The following CDH2 variants were observed in gnomAD, a reference collection of about 807,000 sequenced individuals.
CDH2 encodes the protein cadherin 2, also known as cadherin-2.
A neutral mutation model predicts 92.0 loss-of-function variants in CDH2; 17 were observed. The ratio of observed to expected loss-of-function variants is 0.18; its 90% CI spans 0.13 to 0.28. The LOEUF (loss-of-function observed/expected upper bound fraction) is 0.28, where lower values mean the gene tolerates loss of function less well. CDH2 is among the 10% of genes least tolerant of loss of function. The pLI is 1.00. For missense variants in CDH2, 862 were observed against 1,133.1 expected (o/e 0.76, Z 3.44); for synonymous variants, 419 against 415.9 (o/e 1.01, Z -0.09).
chr18:28,173,791 A>G (rs1421266467), intron 1 of CDH2, among the ~76,000 whole-genome samples: 1 of 152,198 alleles, frequency 6.6e-6, no homozygotes, highest in Non-Finnish European at 1.5e-5. Context: ...TTAATTAACT[A>G]GGTCAATGGT....
At chr18:27,945,614 A>T (rs1018394374) in intron 6 of CDH2, among the ~76,000 whole-genome samples, 2 of 152,142 alleles carry the variant, frequency 1.3e-5, no homozygotes, top group Non-Finnish European at 2.9e-5. Flanking sequence ...AGGGAAAAGG[A>T]GCCTGGTTGT....
chr18:27,950,094 T>C (rs1487957360), downstream of CDH2, among the ~76,000 whole-genome samples: 2 of 152,120 alleles, frequency 1.3e-5, no homozygotes, highest in Non-Finnish European at 2.9e-5. Context: ...AGTTTCATTA[T>C]GGAAATTCCC....
chr18:28,156,708 C>A (rs4991538), intron 1 of CDH2, among the ~76,000 whole-genome samples: 595 of 20,766 alleles, frequency 0.029, 46 homozygotes, highest in East Asian at 0.045. Flanking sequence ...CCAGGTACAG[C>A]ATGTCACCTT....
chr18:28,055,283 C>G (rs1467679957), intron 2 of CDH2, among the ~76,000 whole-genome samples: 1 of 152,160 alleles, frequency 6.6e-6, no homozygotes, highest in African/African-American at 2.4e-5. Flanking sequence ...TTATCTCCCA[C>G]CAGGTCCCTC....
At chr18:27,986,026 C>T (rs187068413) in intron 11 of CDH2, among the ~76,000 whole-genome samples, 4 of 152,194 alleles carry the variant, frequency 2.6e-5, no homozygotes, top group African/African-American at 9.6e-5. Context: ...AATCCCGTAC[C>T]CTCCCTGCCC....
chr18:28,098,668 A>G lies in CDH2; in HGVS notation c.172+49005T>C, dbSNP rs181953151. 1.6e-3 allele frequency among the ~76,000 whole-genome samples: 238 copies of G among 152,212 alleles called. 1 individual carries two copies. The highest frequency in any genetic ancestry group is 4.4e-3 in the African/African-American group (181 of 41,520). ...AGTCCTACACATGGGGGCCATTTTA[A>G]ACAGTGAAATCACCAACAAAAAGCA... On this transcript the variant is annotated intron_variant, in intron 2 of 15. Coordinates refer to ENST00000269141, the MANE Select transcript of CDH2 (RefSeq NM_001792.5).
chr18:28,136,987 C>T (rs2144307278), intron 2 of CDH2, among the ~76,000 whole-genome samples: 1 of 152,150 alleles, frequency 6.6e-6, no homozygotes, highest in Non-Finnish European at 1.5e-5. Context: ...AGAGTTAAAA[C>T]ATGAGGACTT....
chr18:28,021,221 C>G (rs2013402122), intron 2 of CDH2, among the ~76,000 whole-genome samples: 2 of 151,890 alleles, frequency 1.3e-5, no homozygotes, highest in African/African-American at 4.8e-5. Flanking sequence ...TTAACAGACA[C>G]ATATAAACAG....
intron 2 of CDH2, among the ~76,000 whole-genome samples, chr18:28,111,364 T>C (rs2015410369): frequency 6.6e-6 from 1 of 152,232 alleles, no homozygotes; most frequent in South Asian, 2.1e-4. Flanking sequence ...GGATTTTCAA[T>C]ATTAGTTAGC....
intron 2 of CDH2, among the ~76,000 whole-genome samples, chr18:28,077,632 T>C (rs1447668709): frequency 1.3e-5 from 2 of 152,092 alleles, no homozygotes; most frequent in Non-Finnish European, 2.9e-5. Context: ...GGCTCACGCC[T>C]GTAATCCCAC....
At chr18:28,058,203 T>C (rs1599068376) in intron 2 of CDH2, among the ~76,000 whole-genome samples, 1 of 152,348 alleles carries the variant, frequency 6.6e-6, no homozygotes. Context: ...TCACCCATTC[T>C]TATAAACTTT....
At chr18:28,066,828 T>C (rs2014517684) in intron 2 of CDH2, among the ~76,000 whole-genome samples, 1 of 152,020 alleles carries the variant, frequency 6.6e-6, no homozygotes, top group Admixed American at 6.6e-5. Flanking sequence ...GCATCATTTA[T>C]GTATATACTC....
At chr18:28,125,718 T>G (rs868098412) in intron 2 of CDH2, among the ~76,000 whole-genome samples, 2 of 152,140 alleles carry the variant, frequency 1.3e-5, no homozygotes, top group African/African-American at 4.8e-5. Flanking sequence ...TATTAACTCA[T>G]GTATGCACCC....
At chr18:28,166,524 T>C (rs1420972386) in intron 1 of CDH2, among the ~76,000 whole-genome samples, 1 of 151,942 alleles carries the variant, frequency 6.6e-6, no homozygotes, top group Non-Finnish European at 1.5e-5. Flanking sequence ...TTCTTATCTG[T>C]CAAACAAAAA....
chr18:28,137,049 C>T (rs2015874998), intron 2 of CDH2, among the ~76,000 whole-genome samples: 1 of 151,990 alleles, frequency 6.6e-6, no homozygotes, highest in Non-Finnish European at 1.5e-5. Flanking sequence ...AAAAGTTGAA[C>T]TGGAAAAATA....
intron 2 of CDH2, among the ~76,000 whole-genome samples, chr18:28,126,559 A>G: frequency 6.6e-6 from 1 of 152,186 alleles, no homozygotes; most frequent in Admixed American, 6.5e-5. Flanking sequence ...AATTCATGCA[A>G]ATTTGATATA....
intron 2 of CDH2, among the ~76,000 whole-genome samples, chr18:28,047,183 A>T (rs1355996302): frequency 6.6e-6 from 1 of 152,186 alleles, no homozygotes; most frequent in Non-Finnish European, 1.5e-5. Context: ...AGAAGCAACT[A>T]AGTTACAAAA....
intron 15 of CDH2, among the ~76,000 whole-genome samples, chr18:27,956,515 T>C (rs2011249990): frequency 1.3e-5 from 2 of 152,186 alleles, no homozygotes. Flanking sequence ...TCCTTTACAT[T>C]CTGTCTTCTA....
chr18:28,126,802 G>A (rs969056458), intron 2 of CDH2, among the ~76,000 whole-genome samples: 1 of 152,180 alleles, frequency 6.6e-6, no homozygotes, highest in Non-Finnish European at 1.5e-5. Context: ...TCGGTCTGGT[G>A]GGGAAAAGTG....
Sources: gnomAD v4.1 joint callset for allele counts (sites outside exome capture counted in the v4.1 genomes callset) on GRCh38, gnomAD v4.1.1 for gene constraint, MANE v1.5 for transcripts, NCBI Gene and HGNC (gene_info 2026-07-23, HGNC 2026-07-21) for gene names.